DCLK1: variants seen among roughly 807,000 people sequenced by gnomAD.
The protein encoded by DCLK1 is serine/threonine-protein kinase DCLK1.
DCLK1 carries 16 observed loss-of-function variants against 86.2 expected under a neutral mutation model. The observed-to-expected ratio is 0.19, with a 90% CI of 0.13 to 0.28. The LOEUF (loss-of-function observed/expected upper bound fraction) is 0.28, where lower values mean the gene tolerates loss of function less well. Ranked by LOEUF, DCLK1 falls within the 10% of genes least tolerant of loss-of-function variation. DCLK1 has a pLI of 1.00. For synonymous variants in DCLK1, 369 were observed against 370.5 expected (o/e 1.00, Z 0.05); for missense variants, 590 against 940.2 (o/e 0.63, Z 4.87).
chr13:35,934,137 T>G (rs1468340843), intron 4 of DCLK1, among the ~76,000 whole-genome samples: 1 of 152,160 alleles, frequency 6.6e-6, no homozygotes. Context: ...CTCCAGTTCA[T>G]AAAAAGTTCC....
At chr13:35,891,898 A>AG (rs986523987) in intron 4 of DCLK1, among the ~76,000 whole-genome samples, 1 of 152,050 alleles carries the variant, frequency 6.6e-6, no homozygotes, top group Non-Finnish European at 1.5e-5. Context: ...GGGCAGATGG[A>AG]GGGGGGTTTT....
intron 3 of DCLK1, among the ~76,000 whole-genome samples, chr13:35,990,198 A>T (rs1297278209): frequency 6.6e-6 from 1 of 152,240 alleles, no homozygotes; most frequent in Non-Finnish European, 1.5e-5. Context: ...GTTGAATATC[A>T]GAGTACAAGT....
chr13:35,807,608 A>G (rs1162669312), intron 14 of DCLK1, among the ~76,000 whole-genome samples: 1 of 152,240 alleles, frequency 6.6e-6, no homozygotes. Flanking sequence ...TGGACAAAAT[A>G]GATAAAAATC....
intron 3 of DCLK1, among the ~76,000 whole-genome samples, chr13:36,000,660 T>C (rs180723011): frequency 2.6e-5 from 4 of 152,308 alleles, no homozygotes; most frequent in Admixed American, 2.0e-4. Flanking sequence ...TTGGGGAATT[T>C]AGACATCATA....
intron 4 of DCLK1, among the ~76,000 whole-genome samples, chr13:35,932,309 G>C (rs969782103): frequency 6.6e-6 from 1 of 152,152 alleles, no homozygotes; most frequent in Non-Finnish European, 1.5e-5. Flanking sequence ...AGACTGAACT[G>C]TAACACTGGC....
At chr13:35,982,822 C>T (rs1879727089) in intron 3 of DCLK1, among the ~76,000 whole-genome samples, 1 of 151,332 alleles carries the variant, frequency 6.6e-6, no homozygotes, top group South Asian at 2.1e-4. Context: ...AGTGCAGTGG[C>T]ATGGTCTTGG....
chr13:35,787,512 T>TA (rs1593588346), intron 16 of DCLK1, among the ~76,000 whole-genome samples: 1 of 152,036 alleles, frequency 6.6e-6, no homozygotes, highest in African/African-American at 2.4e-5. Flanking sequence ...AACCCAGTTT[T>TA]AAAAAAATCG....
Position 35,836,206 on chromosome 13 carries a change from A to G in DCLK1, c.1121-65T>C. 3.0e-6 allele frequency: 4 copies of G among 1,328,592 alleles called. No individual in the cohort carries two copies. In the South Asian group the frequency reaches 3.8e-5, roughly 13 times the overall value. 82.3% of individuals were successfully genotyped at this position (1,328,592 alleles called of 1,614,324 possible). ...GAACACAGATGTTGCACAAGGAAACATTTAAAAGTATCATCTAATTGACTG... is the reference window on the plus strand; with the variant it reads ...GAACACAGATGTTGCACAAGGAAACGTTTAAAAGTATCATCTAATTGACTG... On this transcript the variant is annotated intron_variant, in intron 7 of 16. Coordinates refer to ENST00000360631, the MANE Select transcript of DCLK1 (RefSeq NM_001330071.2).
At chr13:35,830,380 T>C (rs890703711) in intron 8 of DCLK1, among the ~76,000 whole-genome samples, 2 of 151,972 alleles carry the variant, frequency 1.3e-5, no homozygotes, top group Admixed American at 1.3e-4. Context: ...GACAGAGAAA[T>C]TTAAAATGTA....
At chr13:36,036,281 C>A (rs1882487580) in intron 3 of DCLK1, among the ~76,000 whole-genome samples, 1 of 152,208 alleles carries the variant, frequency 6.6e-6, no homozygotes, top group Non-Finnish European at 1.5e-5. Flanking sequence ...GGCACACTGC[C>A]TAAGAGGTAG....
intron 3 of DCLK1, among the ~76,000 whole-genome samples, chr13:36,011,856 G>T (rs562684936): frequency 6.7e-6 from 1 of 149,920 alleles, no homozygotes; most frequent in South Asian, 2.1e-4. Flanking sequence ...TAATGTGTAG[G>T]AGTCTAAGTC....
rs1886145790 is a variant in DCLK1 at position 36,125,662 on chromosome 13, G to A, written c.376+100C>T. 4.7e-6 allele frequency: 7 copies of A among 1,481,702 alleles called. No individual in the cohort carries two copies. The South Asian group carries it at 5.4e-5, about 11-fold the overall frequency. The allele number at this position is 1,481,702 out of a possible 1,614,324, so 91.8% of individuals were successfully genotyped here. ...CTATAAGGATCACAGCCATAAGGCTGAATGTCAACTGTCAGAGGGCAAATG... is the reference window on the plus strand; with the variant it reads ...CTATAAGGATCACAGCCATAAGGCTAAATGTCAACTGTCAGAGGGCAAATG... On this transcript the variant is annotated intron_variant, in intron 2 of 16. Coordinates refer to ENST00000360631, the MANE Select transcript of DCLK1 (RefSeq NM_001330071.2).
At chr13:36,043,996 C>T (rs978720658) in intron 3 of DCLK1, among the ~76,000 whole-genome samples, 2 of 152,118 alleles carry the variant, frequency 1.3e-5, no homozygotes, top group African/African-American at 4.8e-5. Flanking sequence ...AATCTGATCC[C>T]CCATGTTGGA....
At chr13:35,927,151 T>C (rs1464885378) in intron 4 of DCLK1, among the ~76,000 whole-genome samples, 2 of 152,358 alleles carry the variant, frequency 1.3e-5, no homozygotes, top group South Asian at 2.1e-4. Context: ...ATTAGGAATT[T>C]TATGGAGCAA....
chr13:35,793,969 C>G (rs1055753461), intron 15 of DCLK1, among the ~76,000 whole-genome samples: 1 of 152,158 alleles, frequency 6.6e-6, no homozygotes, highest in Admixed American at 6.5e-5. Context: ...ACTCATTTGG[C>G]CATTCTAAAA....
At chr13:36,062,173 T>C (rs1412472119) in intron 3 of DCLK1, among the ~76,000 whole-genome samples, 5 of 152,212 alleles carry the variant, frequency 3.3e-5, no homozygotes, top group African/African-American at 1.2e-4. Flanking sequence ...ATTTATATAG[T>C]GGCTTTGATG....
intron 3 of DCLK1, among the ~76,000 whole-genome samples, chr13:36,035,190 C>T (rs540816866): frequency 5.9e-5 from 9 of 152,274 alleles, no homozygotes; most frequent in African/African-American, 1.9e-4. Flanking sequence ...CTTTCACTTG[C>T]TCCCTGTCCA....
intron 3 of DCLK1, among the ~76,000 whole-genome samples, chr13:36,015,404 G>A (rs540354765): frequency 1.6e-4 from 24 of 152,142 alleles, no homozygotes; most frequent in Non-Finnish European, 3.1e-4. Context: ...ACCCTCAAAT[G>A]AGCCAGCTTT....
At chr13:35,961,693 T>C (rs1036540999) in intron 3 of DCLK1, among the ~76,000 whole-genome samples, 2 of 152,156 alleles carry the variant, frequency 1.3e-5, no homozygotes, top group African/African-American at 4.8e-5. Context: ...CATAACTTCC[T>C]TGATGCTAAA....
Sources: gnomAD v4.1 joint callset for allele counts (sites outside exome capture counted in the v4.1 genomes callset) on GRCh38, gnomAD v4.1.1 for gene constraint, MANE v1.5 for transcripts, NCBI Gene and HGNC (gene_info 2026-07-23, HGNC 2026-07-21) for gene names.